The following TCOF1 variants were observed in gnomAD, a reference collection of about 807,000 sequenced individuals.
The protein encoded by TCOF1 is treacle ribosome biogenesis factor 1.
TCOF1 carries 33 observed loss-of-function variants against 149.0 expected under a neutral mutation model. That is an observed-to-expected ratio of 0.22 (90% CI 0.17 to 0.30). TCOF1 has a LOEUF of 0.30. Ranked by LOEUF, TCOF1 falls within the 10% of genes least tolerant of loss-of-function variation. TCOF1 has a pLI of 1.00. For missense variants in TCOF1, 1,728 were observed against 1,840.7 expected, an observed-to-expected ratio of 0.94 and a Z score of 1.12; for synonymous variants, 789 against 738.8, an observed-to-expected ratio of 1.07 and a Z score of -1.10.
chr5:150,392,226 G>A lies in TCOF1; in HGVS notation c.3517+50G>A, dbSNP rs766679475. The stretch of plus-strand genomic sequence containing the variant: ...GGGTGGGCCAGGAAGAGGGTGTTGT[G>A]TGGCCTGGTGGAGCCATAGCTCTGG... On this transcript the variant is annotated intron_variant, in intron 21 of 26. Transcript: ENST00000643257. The A allele has an allele frequency of 3.8e-6, 6 of 1,584,144 alleles. 2 individuals are homozygous for A. The South Asian group carries it at 5.6e-5, about 15-fold the overall frequency.
At chr5:150,370,948 C>T (rs1762406752) in intron 6 of TCOF1, among the ~76,000 whole-genome samples, 1 of 152,144 alleles carries the variant, frequency 6.6e-6, no homozygotes, top group Non-Finnish European at 1.5e-5. Flanking sequence ...TGTGAGAAGC[C>T]ATGCCAGCAA....
intron 4 of TCOF1, chr5:150,368,162 G>A (rs1761760802): frequency 2.0e-6 from 1 of 512,770 alleles, no homozygotes; most frequent in Non-Finnish European, 3.5e-6. Context: ...ACCTGGGGTA[G>A]GCGATTTCTT....
chr5:150,384,018 A>ATAC, intron 17 of TCOF1: 1 of 1,379,426 alleles, frequency 7.2e-7, no homozygotes, highest in Non-Finnish European at 9.4e-7. Flanking sequence ...AGCTTCTGCC[A>ATAC]GGCACCTCAG....
chr5:150,384,800 C>T, intron 17 of TCOF1: 1 of 985,478 alleles, frequency 1.0e-6, no homozygotes, highest in Non-Finnish European at 1.2e-6. Flanking sequence ...GTTCCTAATC[C>T]CCAGCTCACT....
chr5:150,397,010 T>A (rs1385946561), intron 24 of TCOF1, among the ~76,000 whole-genome samples, 168 bp downstream of exon 24: 1 of 151,834 alleles, frequency 6.6e-6, no homozygotes, highest in Non-Finnish European at 1.5e-5. Flanking sequence ...ATACAAAAAA[T>A]TAGCTGGATG....
At chr5:150,357,952 C>A in intron 1 of TCOF1, 98 bp downstream of exon 1, 1 of 1,315,106 alleles carries the variant, frequency 7.6e-7, no homozygotes, top group Admixed American at 2.0e-5. Context: ...GGCAGGCGCC[C>A]GGAGCCGGGT....
intron 5 of TCOF1, among the ~76,000 whole-genome samples, chr5:150,369,316 C>A (rs1208826366): frequency 6.6e-5 from 10 of 152,314 alleles, no homozygotes; most frequent in African/African-American, 2.4e-4. Flanking sequence ...CCCTCACAGC[C>A]CTTCCCAGGG....
chr5:150,398,801 G>A (rs2569062), intron 25 of TCOF1, among the ~76,000 whole-genome samples: 3 of 152,172 alleles, frequency 2.0e-5, no homozygotes, highest in Non-Finnish European at 2.9e-5. Flanking sequence ...TCCTCACGGC[G>A]CGGGGCCTTA....
chr5:150,396,567 C>T lies in TCOF1; in HGVS notation c.4070C>T (p.Ala1357Val), dbSNP rs373129508. ...KRKLSGDQPA[A>V]RTPRSKKKKK... ...AAGCTATCGGGAGACCAGCCAGCTG[C>T]CAGGACCCCCAGGAGCAAGAAGAAG... is the stretch of plus-strand genomic sequence containing the variant. Residue 1357 changes from alanine (A) to valine (V), a missense_variant, in exon 24 of 27, where the codon GCC becomes GTC. Around this residue, in one of 2 missense-constraint regions of TCOF1, gnomAD observed 1,696 missense variants for 1,765.4 expected, o/e 0.96. Transcript: ENST00000643257. 201 of 1,581,200 alleles carry T rather than the reference C, an allele frequency of 1.3e-4. No individual in the cohort carries two copies. Among genetic ancestry groups the T allele is most frequent in the Middle Eastern group, 3.5e-4 (2 of 5,670 alleles).
intron 3 of TCOF1, among the ~76,000 whole-genome samples, chr5:150,366,937 AG>A (rs371193497): frequency 1 from 56,271 of 56,280 alleles, 28,131 homozygotes; most frequent in Middle Eastern, 1. Context: ...TACAGGCGTG[AG>A]GCCACCGCGC....
Position 150,393,497 on chromosome 5 carries a change from T to G in TCOF1, c.3729T>G (p.Asp1243Glu). The part of the protein sequence containing the change: ...SSTLAAKDDP[D>E]GKQEAKPQQA... Reference sequence around the variant, plus strand: ...CTCTGGCCGCCAAAGATGACCCAGATGGCAAGCAGGAGGCAAAGCCCCAAC... The same window carrying G: ...CTCTGGCCGCCAAAGATGACCCAGAGGGCAAGCAGGAGGCAAAGCCCCAAC... Residue 1243 changes from aspartate to glutamate, a missense_variant, in exon 23 of 27, where the codon GAT becomes GAG. By Grantham distance (45) the Asp-to-Glu change is conservative. Coordinates refer to ENST00000643257, the MANE Select transcript of TCOF1 (RefSeq NM_001371623.1). 6.2e-7 allele frequency: 1 copy of G among 1,614,068 alleles called. No homozygotes were observed. Among genetic ancestry groups the G allele is most frequent in the Non-Finnish European group, 8.5e-7 (1 of 1,180,018 alleles).
In TCOF1 at chr5:150,378,997, A is replaced by G. The variant is rs1164722219; in HGVS notation, c.2433A>G (p.Lys811=). ...AAGGGACAATTTCAGCCCCTGGAAA[A>G]GTTGTCACTGCAGCTGCTCAAGCCA... ...SAKGTISAPG[K]VVTAAAQAKQ... Residue 811 remains lysine, a synonymous_variant, in exon 15 of 27, where the codon AAA becomes AAG. Transcript: ENST00000643257. 1.2e-6 allele frequency: 2 copies of G among 1,613,864 alleles called. No individual in the cohort carries two copies. The highest frequency in any genetic ancestry group is 2.7e-5 in the African/African-American group (2 of 74,846).
chr5:150,378,162 G>A (rs1047331984), intron 14 of TCOF1, among the ~76,000 whole-genome samples: 9 of 152,206 alleles, frequency 5.9e-5, no homozygotes, highest in Non-Finnish European at 8.8e-5. Context: ...GGAATGCTGG[G>A]GGATGGGGTT....
chr5:150,387,788 T>A (rs889042871), intron 17 of TCOF1, 114 bp from the exon 18 acceptor site: 3 of 1,443,000 alleles, frequency 2.1e-6, no homozygotes, highest in Admixed American at 1.9e-5. Context: ...TGTGCCCAGC[T>A]GCCCCTGAGC....
In TCOF1 at chr5:150,399,101, G is replaced by A. The variant is rs148753328; in HGVS notation, c.*22+31G>A. The A allele has an allele frequency of 6.2e-6, 10 of 1,614,028 alleles. No homozygotes were observed. In the South Asian group the frequency reaches 8.8e-5, roughly 14 times the overall value. On this transcript the variant is annotated intron_variant, in intron 26 of 26. Transcript: ENST00000643257. ...CTTCCCAATCATTCCTGAGCATTCA[G>A]GGTGGGAGGACAGCTCTGGTGTCCC...
chr5:150,384,216 T>C (rs1765812121), intron 17 of TCOF1: 2 of 999,572 alleles, frequency 2.0e-6, no homozygotes, highest in South Asian at 4.5e-5. Flanking sequence ...CACTTTCCAA[T>C]GGCACAGATT....
At chr5:150,371,135 G>A (rs1762437601) in intron 6 of TCOF1, among the ~76,000 whole-genome samples, 1 of 152,116 alleles carries the variant, frequency 6.6e-6, no homozygotes, top group Non-Finnish European at 1.5e-5. Flanking sequence ...TGTTTTCAAG[G>A]GAAAACCAGC....
chr5:150,361,288 A>G (rs1401585458), intron 2 of TCOF1, 77 bp downstream of exon 2: 3 of 1,557,528 alleles, frequency 1.9e-6, no homozygotes, highest in Non-Finnish European at 2.7e-6. Context: ...TGGGATACCT[A>G]TCTGGTCTAA....
At chr5:150,376,695 G>A in intron 14 of TCOF1, 75 bp downstream of exon 14, 3 of 1,481,858 alleles carry the variant, frequency 2.0e-6, no homozygotes, top group Non-Finnish European at 2.8e-6. Context: ...GCTTGACTGG[G>A]GGCTAGTGTT....
Sources: allele counts gnomAD v4.1 joint callset (sites outside exome capture counted in the v4.1 genomes callset), GRCh38; gene constraint gnomAD v4.1.1; regional missense constraint gnomAD v4.1.1; transcripts MANE v1.5; gene names NCBI Gene and HGNC (gene_info 2026-07-23, HGNC 2026-07-21).